The following HDX variants were observed in gnomAD, a reference collection of about 807,000 sequenced individuals.
HDX encodes the protein chromosome X open reading frame 43.
Under a neutral mutation model 45.2 loss-of-function variants are expected in HDX, and 19 were observed. That is an observed-to-expected ratio of 0.42 (90% CI 0.29 to 0.62). HDX has a LOEUF of 0.62. Among genes scored for constraint, HDX ranks in the 20% least tolerant of loss-of-function variants. HDX has a pLI of 0.20. For missense variants in HDX, 532 were observed against 493.9 expected (o/e 1.08, Z -0.73); for synonymous variants, 188 against 172.8 (o/e 1.09, Z -0.69).
intron 7 of HDX, among the ~76,000 whole-genome samples, chrX:84,342,433 C>T (rs1393351861): frequency 9.0e-6 from 1 of 111,230 alleles, no homozygotes; most frequent in Non-Finnish European, 1.9e-5. Context: ...AAGTTGTAAA[C>T]TGTCAAATCA....
At chrX:84,345,193 C>T (rs1263980400) in intron 6 of HDX, among the ~76,000 whole-genome samples, 2 of 111,138 alleles carry the variant, frequency 1.8e-5, no homozygotes, top group Non-Finnish European at 3.8e-5. Context: ...TTCTTCACTC[C>T]GTCTTCTCCA....
intron 4 of HDX, among the ~76,000 whole-genome samples, chrX:84,441,279 G>A (rs921645515): frequency 1.8e-5 from 2 of 111,408 alleles, no homozygotes; most frequent in African/African-American, 6.5e-5. Flanking sequence ...AGCAAGAGAT[G>A]ACTTCATAAT....
At chrX:84,461,268 A>G (rs934681689) in intron 4 of HDX, among the ~76,000 whole-genome samples, 4 of 111,787 alleles carry the variant, frequency 3.6e-5, no homozygotes, top group Non-Finnish European at 7.5e-5. Context: ...CTGACTTCAA[A>G]TTATACTACA....
intron 2 of HDX, 126 bp downstream of exon 2, chrX:84,487,898 A>T (rs1479613863): frequency 8.9e-6 from 1 of 112,439 alleles, no homozygotes; most frequent in Non-Finnish European, 1.9e-5. Context: ...ATTTACTCTC[A>T]CACTGTTGGG....
At chrX:84,434,780 T>G (rs1032482923) in intron 5 of HDX, among the ~76,000 whole-genome samples, 3 of 111,727 alleles carry the variant, frequency 2.7e-5, no homozygotes, top group African/African-American at 9.7e-5. Flanking sequence ...TAGAATTCAG[T>G]GATGAAGCCA....
At chrX:84,406,469 T>TACACACACACACACACAC (rs369018765) in intron 5 of HDX, among the ~76,000 whole-genome samples, 1 of 86,537 alleles carries the variant, frequency 1.2e-5, no homozygotes, top group African/African-American at 4.3e-5. Context: ...TAATCTCACA[T>TACACACACACACACACAC]ACACACACAC....
At chrX:84,374,242 G>A (rs1221648322) in intron 5 of HDX, among the ~76,000 whole-genome samples, 1 of 110,703 alleles carries the variant, frequency 9.0e-6, no homozygotes, top group Non-Finnish European at 1.9e-5. Context: ...ACAAACCATT[G>A]CTCAATGAAA....
At chrX:84,427,919 G>C (rs1191821008) in intron 5 of HDX, among the ~76,000 whole-genome samples, 2 of 110,547 alleles carry the variant, frequency 1.8e-5, no homozygotes, top group African/African-American at 6.6e-5. Flanking sequence ...GCAGTCTCAG[G>C]GTTCCAATTC....
At chrX:84,338,335 A>G (rs928376581) in intron 7 of HDX, among the ~76,000 whole-genome samples, 3 of 110,517 alleles carry the variant, frequency 2.7e-5, no homozygotes, top group Non-Finnish European at 5.7e-5. Context: ...TAAAAATTAA[A>G]TTTTGGGGGG....
At chrX:84,398,649 TAGAC>T (rs2038623883) in intron 5 of HDX, among the ~76,000 whole-genome samples, 1 of 111,649 alleles carries the variant, frequency 9.0e-6, no homozygotes, top group South Asian at 3.7e-4. Context: ...CTGTCAATAT[TAGAC>T]AGATTGAGAG....
chrX:84,403,531 A>T (rs1056345855), intron 5 of HDX, among the ~76,000 whole-genome samples: 1 of 111,722 alleles, frequency 9.0e-6, no homozygotes, highest in African/African-American at 3.2e-5. Flanking sequence ...GGACTGATTT[A>T]GTGCTGATCT....
At chrX:84,402,271 G>C (rs1490108415) in intron 5 of HDX, among the ~76,000 whole-genome samples, 1 of 111,960 alleles carries the variant, frequency 8.9e-6, no homozygotes, top group Non-Finnish European at 1.9e-5. Context: ...GAAAAGTTGA[G>C]TTTTTGTCCA....
At chrX:84,370,483 G>T (rs770985053) in intron 5 of HDX, among the ~76,000 whole-genome samples, 1 of 111,868 alleles carries the variant, frequency 8.9e-6, no homozygotes, top group African/African-American at 3.3e-5. Flanking sequence ...AAAGAACTTC[G>T]TTCAATCTTA....
At chrX:84,397,917 A>C (rs2038603063) in intron 5 of HDX, among the ~76,000 whole-genome samples, 1 of 111,224 alleles carries the variant, frequency 9.0e-6, no homozygotes, top group African/African-American at 3.3e-5. Context: ...GGCTGACTAG[A>C]AGCAGCAGCA....
chrX:84,496,093 T>C lies in HDX; in HGVS notation c.-110+6249A>G, dbSNP rs775703855. ...ATGGTAAAGCCATTGCTGTCACCAA[T>C]GTGAGTGGATATACTCAGAGGCTTA... On this transcript the variant is annotated intron_variant, in intron 1 of 10. Transcript: ENST00000373177. Among the ~76,000 whole-genome samples, 4 of 111,987 alleles carry C rather than the reference T, an allele frequency of 3.6e-5. No individual in the cohort carries two copies. In the South Asian group the frequency reaches 1.5e-3, roughly 42 times the overall value.
intron 1 of HDX, among the ~76,000 whole-genome samples, chrX:84,490,314 T>C (rs192038842): frequency 2.7e-5 from 3 of 111,945 alleles, no homozygotes; most frequent in Non-Finnish European, 5.7e-5. Context: ...CTTCTACTAG[T>C]ATTTTGTTAA....
At position 84,343,664 on chromosome X, in the gene HDX, C is replaced by T. The variant is rs375508482; in HGVS notation, c.1660+586G>A. ...AATAAAAATATGTCAAAAGAGAATC[C>T]TATCTATGCTTGAGGACAAATGAAA... On this transcript the variant is annotated intron_variant, in intron 7 of 10. Transcript: ENST00000373177. Among the ~76,000 whole-genome samples, 27 of 110,926 alleles carry T rather than the reference C, an allele frequency of 2.4e-4. No individual in the cohort carries two copies. In the South Asian group the frequency reaches 7.2e-3, roughly 29 times the overall value.
rs185972532 is a variant in HDX, at chrX:84,353,364, G to T, written c.1452+8102C>A. On this transcript the variant is annotated intron_variant, in intron 6 of 10. Coordinates refer to ENST00000373177, the MANE Select transcript of HDX (RefSeq NM_001177479.2). The stretch of plus-strand genomic sequence containing the variant: ...GGTGGGACCTTTTGGAGGTAAATAG[G>T]TAATGAGAATGGGTCTCTCATAAAT... 2.6e-3 allele frequency among the ~76,000 whole-genome samples: 286 copies of T among 110,675 alleles called. 2 individuals are homozygous for T. The highest frequency in any genetic ancestry group is 9.1e-3 in the African/African-American group (276 of 30,483).
intron 5 of HDX, among the ~76,000 whole-genome samples, chrX:84,391,615 A>AT (rs966958703): frequency 1.8e-5 from 2 of 111,019 alleles, no homozygotes; most frequent in African/African-American, 6.5e-5. Flanking sequence ...AACATTTGTT[A>AT]TTTTTTGTCT....
Sources: gnomAD v4.1 joint callset for allele counts (sites outside exome capture counted in the v4.1 genomes callset) on GRCh38, gnomAD v4.1.1 for gene constraint, MANE v1.5 for transcripts, NCBI Gene and HGNC (gene_info 2026-07-23, HGNC 2026-07-21) for gene names.